PAK5: variants seen among roughly 807,000 people sequenced by gnomAD.
PAK5 encodes p21 (RAC1) activated kinase 5.
PAK5 carries 16 observed loss-of-function variants against 65.9 expected under a neutral mutation model. The observed-to-expected ratio is 0.24, with a 90% confidence interval of 0.16 to 0.37. The LOEUF is 0.37. Ranked by LOEUF, PAK5 falls within the 10% of genes least tolerant of loss-of-function variation. PAK5 has a pLI of 1.00. For synonymous variants in PAK5, 371 were observed against 354.9 expected, an observed-to-expected ratio of 1.05 and a Z score of -0.51; for missense variants, 785 against 903.9, an observed-to-expected ratio of 0.87 and a Z score of 1.69.
chr20:9,614,618 A>G (rs2046622595), intron 3 of PAK5, among the ~76,000 whole-genome samples: 1 of 152,226 alleles, frequency 6.6e-6, no homozygotes, highest in South Asian at 2.1e-4. Flanking sequence ...GAACAAAGGT[A>G]AGAATTTCAT....
intron 3 of PAK5, among the ~76,000 whole-genome samples, chr20:9,586,074 G>A (rs1251773866): frequency 6.6e-6 from 1 of 152,158 alleles, no homozygotes; most frequent in Non-Finnish European, 1.5e-5. Context: ...TTTGGGGTCA[G>A]GATGGAAATT....
chr20:9,642,007 C>T (rs1319456347), intron 3 of PAK5, among the ~76,000 whole-genome samples: 2 of 152,162 alleles, frequency 1.3e-5, no homozygotes, highest in African/African-American at 2.4e-5. Flanking sequence ...GAGTGGGCTC[C>T]AGCCTTGGCC....
At chr20:9,543,376 C>G (rs1371250672) in intron 8 of PAK5, among the ~76,000 whole-genome samples, 1 of 151,936 alleles carries the variant, frequency 6.6e-6, no homozygotes, top group Non-Finnish European at 1.5e-5. Flanking sequence ...CTATAAACTC[C>G]CAGTCCCACT....
intron 3 of PAK5, among the ~76,000 whole-genome samples, chr20:9,631,274 T>C (rs1482471317): frequency 6.6e-6 from 1 of 152,128 alleles, no homozygotes; most frequent in Non-Finnish European, 1.5e-5. Flanking sequence ...ACCAATAGAA[T>C]ATGGTAAAGG....
chr20:9,831,148 T>C (rs1257214807), intron 1 of PAK5, among the ~76,000 whole-genome samples: 1 of 152,206 alleles, frequency 6.6e-6, no homozygotes, highest in Non-Finnish European at 1.5e-5. Context: ...GTTTCCAAAG[T>C]GCCTGATATC....
intron 3 of PAK5, among the ~76,000 whole-genome samples, chr20:9,591,575 T>C (rs2123064496): frequency 6.6e-6 from 1 of 150,446 alleles, no homozygotes; most frequent in Non-Finnish European, 1.5e-5. Context: ...TCTTTCTCTA[T>C]AACAAAGGAA....
intron 1 of PAK5, among the ~76,000 whole-genome samples, chr20:9,790,306 G>C (rs143973274): frequency 1.1e-4 from 16 of 152,116 alleles, no homozygotes; most frequent in Middle Eastern, 3.4e-3. Flanking sequence ...AATCAGATTT[G>C]TTTGCTTGTC....
intron 1 of PAK5, among the ~76,000 whole-genome samples, chr20:9,751,279 T>A (rs2048574163): frequency 6.6e-6 from 1 of 152,128 alleles, no homozygotes; most frequent in South Asian, 2.1e-4. Context: ...GGAGAGGCTT[T>A]GCAATATTCA....
Position 9,644,252 on chromosome 20 carries a change from T to A in PAK5, c.77A>T (p.Asp26Val). Residue 26 changes from aspartate (D) to valine (V), a missense_variant, in exon 3 of 10, where the codon GAT (aspartate) becomes GTT (valine). This residue lies in a region of PAK5 where 71 missense variants were observed against 110.2 expected (regional missense o/e 0.64). Coordinates refer to ENST00000353224, the MANE Select transcript of PAK5 (RefSeq NM_177990.4). The part of the protein sequence containing the change: ...NFEHRVHTGF[D>V]PQEQKFTGLP... ...GCCGGTAAACTTCTGCTCTTGTGGATCAAACCCAGTATGAACCCTGTGTTC... is the reference window on the plus strand; with the variant it reads ...GCCGGTAAACTTCTGCTCTTGTGGAACAAACCCAGTATGAACCCTGTGTTC... 6.2e-7 allele frequency: 1 copy of A among 1,606,578 alleles called. No homozygotes were observed. The highest frequency in any genetic ancestry group is 8.5e-7 in the Non-Finnish European group (1 of 1,177,594).
intron 1 of PAK5, among the ~76,000 whole-genome samples, chr20:9,824,453 T>C (rs529050543): frequency 6.6e-6 from 1 of 152,320 alleles, no homozygotes; most frequent in South Asian, 2.1e-4. Context: ...ACTGGAGTAA[T>C]GGTGTCCTTA....
In PAK5 at chr20:9,667,999, A is replaced by C. The variant is rs985110610; in HGVS notation, c.-11-23660T>G. ...TATACCAAATAGATCAGAAGCTGAG[A>C]AATGGAAATTTGAGTAGAATCTCCT... On this transcript the variant is annotated intron_variant, in intron 2 of 9. Transcript: ENST00000353224. 1.1e-4 allele frequency among the ~76,000 whole-genome samples: 16 copies of C among 152,178 alleles called. 1 individual carries two copies. The highest frequency in any genetic ancestry group is 6.5e-5 in the Admixed American group (1 of 15,270).
chr20:9,542,357 A>G (rs564106459), intron 9 of PAK5, among the ~76,000 whole-genome samples: 11 of 152,300 alleles, frequency 7.2e-5, no homozygotes, highest in Non-Finnish European at 1.0e-4. Context: ...GATACAGGCC[A>G]ATCATAACCC....
chr20:9,556,858 T>A (rs1052844561), intron 7 of PAK5, among the ~76,000 whole-genome samples: 1 of 152,138 alleles, frequency 6.6e-6, no homozygotes, highest in Admixed American at 6.5e-5. Context: ...ATTGACTGCA[T>A]TTTGGCTCCT....
At chr20:9,746,844 C>T (rs1307086211) in intron 1 of PAK5, among the ~76,000 whole-genome samples, 2 of 152,036 alleles carry the variant, frequency 1.3e-5, no homozygotes, top group African/African-American at 2.4e-5. Context: ...CAGAGCAGAA[C>T]TGAAGGAAAT....
At chr20:9,834,626 A>C (rs1163222240) in intron 1 of PAK5, among the ~76,000 whole-genome samples, 4 of 152,162 alleles carry the variant, frequency 2.6e-5, no homozygotes, top group African/African-American at 4.8e-5. Context: ...TCAGAATAAT[A>C]ATACCAACAA....
At chr20:9,598,206 G>A (rs149423606) in intron 3 of PAK5, among the ~76,000 whole-genome samples, 4,959 of 152,188 alleles carry the variant, frequency 0.033, 239 homozygotes, top group African/African-American at 0.11. Flanking sequence ...GAGAACATGC[G>A]GTGTTTCGTT....
chr20:9,591,064 T>C (rs1195035435), intron 3 of PAK5, among the ~76,000 whole-genome samples: 1 of 152,224 alleles, frequency 6.6e-6, no homozygotes, highest in Non-Finnish European at 1.5e-5. Context: ...TAAGAGTTTC[T>C]AGTCACTACC....
chr20:9,654,859 A>G lies in PAK5; in HGVS notation c.-11-10520T>C, dbSNP rs181655075. Among the ~76,000 whole-genome samples, 20 of 152,090 alleles carry G rather than the reference A, an allele frequency of 1.3e-4. No individual in the cohort carries two copies. In the East Asian group the frequency reaches 3.7e-3, roughly 28 times the overall value. On this transcript the variant is annotated intron_variant, in intron 2 of 9. Coordinates refer to ENST00000353224, the MANE Select transcript of PAK5 (RefSeq NM_177990.4). ...CCCTCTCATCTTGACCCTCACCCAA[A>G]GTCTCTTTTCTGGTCTCAGATCAAA...
chr20:9,604,150 C>A (rs1040055488), intron 3 of PAK5, among the ~76,000 whole-genome samples: 3 of 152,140 alleles, frequency 2.0e-5, no homozygotes, highest in Non-Finnish European at 4.4e-5. Flanking sequence ...CCGGGAGTGG[C>A]CAACCTGATT....
Sources: gnomAD v4.1 joint callset for allele counts (sites outside exome capture counted in the v4.1 genomes callset) on GRCh38, gnomAD v4.1.1 for gene constraint, gnomAD v4.1.1 regional missense constraint, MANE v1.5 for transcripts, NCBI Gene and HGNC (gene_info 2026-07-23, HGNC 2026-07-21) for gene names.